MYO9B: variants seen among roughly 807,000 people sequenced by gnomAD.
MYO9B encodes myosin IXB, also known as unconventional myosin-IXb.
A neutral mutation model predicts 229.5 loss-of-function variants in MYO9B; 71 were observed. That is an observed-to-expected ratio of 0.31 (90% CI 0.26 to 0.38). MYO9B has a LOEUF of 0.38. Ranked by LOEUF, MYO9B falls within the 10% of genes least tolerant of loss-of-function variation. MYO9B has a pLI of 1.00. For synonymous variants in MYO9B, 1,185 were observed against 1,235.8 expected (o/e 0.96, Z 0.86); for missense variants, 2,255 against 2,920.5 (o/e 0.77, Z 5.25).
chr19:17,174,279 G>C (rs62127945), intron 13 of MYO9B, among the ~76,000 whole-genome samples: 108,441 of 151,668 alleles, frequency 0.71, 39,472 homozygotes, highest in African/African-American at 0.86. Flanking sequence ...GATCCGTCTG[G>C]CTCGGCCTCC....
chr19:17,162,408 T>C lies in MYO9B; in HGVS notation c.1478T>C (p.Ile493Thr). 1 of 1,588,920 alleles carries C rather than the reference T, an allele frequency of 6.3e-7. No homozygotes were observed. Among genetic ancestry groups the C allele is most frequent in the Non-Finnish European group, 8.6e-7 (1 of 1,168,724 alleles). ...CTGTACAGCGCCCTGTTCGACTGGA[T>C]TGTGCTGCGGATCAACCACGCACTC... is the stretch of plus-strand genomic sequence containing the variant. The part of the protein sequence containing the change: ...KSLYSALFDW[I>T]VLRINHALLN... Residue 493 changes from isoleucine (I) to threonine (T), a missense_variant, in exon 9 of 40, where the codon ATT becomes ACT. By Grantham distance (89) the Ile-to-Thr change is moderately conservative. Coordinates refer to ENST00000682292, the MANE Select transcript of MYO9B (RefSeq NM_004145.4).
intron 1 of MYO9B, among the ~76,000 whole-genome samples, chr19:17,092,964 T>G (rs1416330629): frequency 6.6e-6 from 1 of 152,158 alleles, no homozygotes; most frequent in Non-Finnish European, 1.5e-5. Context: ...TTCACATGTG[T>G]TTCCTCTGTG....
intron 20 of MYO9B, 51 bp downstream of exon 20, chr19:17,191,270 C>G: frequency 1.3e-6 from 2 of 1,574,962 alleles, no homozygotes; most frequent in South Asian, 2.3e-5. Flanking sequence ...CTGCCTTCCA[C>G]CGCACACCGT....
At chr19:17,112,043 A>G (rs2057852219) in intron 2 of MYO9B, among the ~76,000 whole-genome samples, 1 of 152,180 alleles carries the variant, frequency 6.6e-6, no homozygotes, top group Non-Finnish European at 1.5e-5. Flanking sequence ...CACCAGTTGT[A>G]TCAGCATTTC....
intron 2 of MYO9B, among the ~76,000 whole-genome samples, chr19:17,138,474 T>G (rs933592215): frequency 1.3e-5 from 2 of 152,208 alleles, no homozygotes; most frequent in African/African-American, 4.8e-5. Flanking sequence ...ATTTGGGGTT[T>G]CGCCATGTTG....
intron 5 of MYO9B, 75 bp downstream of exon 5, chr19:17,154,141 G>C (rs746367972): frequency 9.5e-6 from 14 of 1,469,864 alleles, no homozygotes; most frequent in Non-Finnish European, 1.3e-5. Context: ...TAGCCGGGAA[G>C]TCAGAGGCAG....
chr19:17,198,734 C>CAAAA (rs59292415), intron 24 of MYO9B, among the ~76,000 whole-genome samples: 6 of 41,178 alleles, frequency 1.5e-4, no homozygotes, highest in East Asian at 8.3e-4. Context: ...GACTCCGTCT[C>CAAAA]AAAAAAAAAA....
intron 2 of MYO9B, among the ~76,000 whole-genome samples, chr19:17,141,408 C>T (rs1427209772): frequency 6.6e-6 from 1 of 152,190 alleles, no homozygotes; most frequent in Non-Finnish European, 1.5e-5. Flanking sequence ...AGGGCGTGCC[C>T]CCTGCCCCTG....
chr19:17,167,888 A>T, intron 10 of MYO9B, 55 bp from the exon 11 acceptor site: 1 of 1,546,500 alleles, frequency 6.5e-7, no homozygotes, highest in Non-Finnish European at 8.7e-7. Context: ...TATGTTATGT[A>T]GATATTACAT....
chr19:17,212,392 GGCC>G lies in MYO9B; in HGVS notation c.*83_*85del. The G allele has an allele frequency of 2.2e-6, 3 of 1,372,310 alleles. No individual in the cohort carries two copies. The South Asian group carries it at 4.7e-5, about 22-fold the overall frequency. The allele number at this position is 1,372,310 out of a possible 1,614,324, so 85.0% of individuals were successfully genotyped here. ...CGCCAGAGCTGCAGAGCTAGTGTTC[GGCC>G]CTCAGAGAAGGATCCAGAATCAAAA... On this transcript the variant is annotated 3_prime_UTR_variant, in exon 40 of 40. Coordinates refer to ENST00000682292, the MANE Select transcript of MYO9B (RefSeq NM_004145.4). The surrounding 1 kb of genome is among the most constrained non-coding windows in gnomAD (Gnocchi z 5.4).
At chr19:17,207,309 C>T (rs1443698632) in intron 35 of MYO9B, 65 bp downstream of exon 35, 3 of 1,541,830 alleles carry the variant, frequency 1.9e-6, no homozygotes, top group Non-Finnish European at 2.6e-6. Flanking sequence ...CACGACAGCT[C>T]CATCCATCCC....
intron 18 of MYO9B, 41 bp downstream of exon 18, chr19:17,186,042 C>A: frequency 6.3e-7 from 1 of 1,578,178 alleles, no homozygotes; most frequent in Non-Finnish European, 8.7e-7. Context: ...AGGCCCATGC[C>A]GGACTCTTAG....
At chr19:17,183,978 TC>T in intron 16 of MYO9B, 110 bp downstream of exon 16, 1 of 1,022,452 alleles carries the variant, frequency 9.8e-7, no homozygotes, top group Non-Finnish European at 1.4e-6. Flanking sequence ...TCCCACTATC[TC>T]CCCCTCCCTC....
At chr19:17,092,312 C>T (rs750594927) in intron 1 of MYO9B, among the ~76,000 whole-genome samples, 2 of 152,218 alleles carry the variant, frequency 1.3e-5, no homozygotes, top group Non-Finnish European at 2.9e-5. Flanking sequence ...CAAAAGTGAA[C>T]GTCACAGGAC....
intron 26 of MYO9B, 26 bp from the exon 27 acceptor site, chr19:17,201,900 C>G: frequency 1.3e-6 from 2 of 1,581,408 alleles, no homozygotes; most frequent in Non-Finnish European, 1.7e-6. Context: ...CTGAGGCACG[C>G]AGGGTCAGTT....
intron 13 of MYO9B, 51 bp from the exon 14 acceptor site, chr19:17,175,612 A>C (rs1453206092): frequency 6.8e-6 from 9 of 1,327,646 alleles, no homozygotes; most frequent in Non-Finnish European, 9.3e-6. Flanking sequence ...AAATAATTGC[A>C]GCCTCCATAG....
intron 2 of MYO9B, among the ~76,000 whole-genome samples, chr19:17,137,717 A>G (rs2072288468): frequency 6.6e-6 from 1 of 152,198 alleles, no homozygotes; most frequent in Non-Finnish European, 1.5e-5. Context: ...GCCTTCTCCA[A>G]GGGAGTATCT....
intron 20 of MYO9B, among the ~76,000 whole-genome samples, chr19:17,191,622 A>G (rs2072986394): frequency 6.6e-6 from 1 of 152,088 alleles, no homozygotes; most frequent in African/African-American, 2.4e-5. Flanking sequence ...AGCATTACTC[A>G]GCCACCCTTG....
intron 15 of MYO9B, chr19:17,183,599 G>A (rs1027524603): frequency 3.6e-6 from 2 of 550,812 alleles, no homozygotes; most frequent in Non-Finnish European, 3.2e-6. Context: ...CACCAGCAGA[G>A]TCCGGGTGCC....
Sources: gnomAD v4.1 joint callset for allele counts (sites outside exome capture counted in the v4.1 genomes callset) on GRCh38, gnomAD v4.1.1 for gene constraint, Gnocchi (gnomAD v3.1) non-coding constraint, MANE v1.5 for transcripts, NCBI Gene and HGNC (gene_info 2026-07-23, HGNC 2026-07-21) for gene names.